The following RGS12 variants were observed in gnomAD, a reference collection of about 807,000 sequenced individuals.
RGS12 encodes regulator of G protein signaling 12, also known as regulator of G-protein signaling 12.
A neutral mutation model predicts 120.1 loss-of-function variants in RGS12; 66 were observed. That is an observed-to-expected ratio of 0.55 (90% CI 0.45 to 0.67). RGS12 has a LOEUF of 0.67. RGS12 is among the 30% of genes least tolerant of loss of function. RGS12 has a pLI of 0.00. For synonymous variants in RGS12, 827 were observed against 804.7 expected (o/e 1.03, Z -0.47); for missense variants, 1,859 against 1,957.7 (o/e 0.95, Z 0.95).
chr4:3,361,534 A>G (rs1715560780), intron 3 of RGS12, among the ~76,000 whole-genome samples: 1 of 152,202 alleles, frequency 6.6e-6, no homozygotes. Flanking sequence ...ACCTGGGCGC[A>G]TGAGCAGAAA....
intron 8 of RGS12, 58 bp from the exon 9 acceptor site, chr4:3,417,330 T>A (rs1379008677): frequency 1.7e-5 from 25 of 1,514,790 alleles, no homozygotes; most frequent in Non-Finnish European, 2.2e-5. Flanking sequence ...CCTTTGCACT[T>A]AACGTAATAG....
rs1716505882 is a variant in RGS12 at position 3,367,979 on chromosome 4, C to T, written c.1999-18437C>T. Reference sequence around the variant, plus strand: ...TTCTTCCTTTCCGTCCTCGATGGAACACAATGGGATGAAGATGTTTCTGTC... The same window carrying T: ...TTCTTCCTTTCCGTCCTCGATGGAATACAATGGGATGAAGATGTTTCTGTC... On this transcript the variant is annotated intron_variant, in intron 3 of 17. Coordinates refer to ENST00000336727, the MANE Select transcript of RGS12 (RefSeq NM_001394154.1). Among the ~76,000 whole-genome samples, 3 of 152,248 alleles carry T rather than the reference C, an allele frequency of 2.0e-5. No homozygotes were observed. In the South Asian group the frequency reaches 6.2e-4, roughly 32 times the overall value.
chr4:3,420,557 A>G, intron 9 of RGS12, 85 bp from the exon 10 acceptor site: 1 of 1,393,502 alleles, frequency 7.2e-7, no homozygotes. Flanking sequence ...CTGTCTGCTC[A>G]GCCTAAAGGG....
intron 2 of RGS12, among the ~76,000 whole-genome samples, chr4:3,341,116 C>T (rs1713043243): frequency 1.3e-5 from 2 of 150,130 alleles, no homozygotes; most frequent in Admixed American, 6.6e-5. Flanking sequence ...GGGTGCTGGA[C>T]CTCTCACCTG....
intron 1 of RGS12, among the ~76,000 whole-genome samples, chr4:3,296,016 C>T (rs7695631): frequency 0.36 from 54,823 of 151,994 alleles, 11,594 homozygotes; most frequent in African/African-American, 0.6. Context: ...ACTGTTGGCC[C>T]GCCCCAGTCA....
At chr4:3,376,413 C>T (rs922350206) in intron 3 of RGS12, among the ~76,000 whole-genome samples, 1 of 152,206 alleles carries the variant, frequency 6.6e-6, no homozygotes, top group African/African-American at 2.4e-5. Context: ...GTGAGGAGGG[C>T]ACCATGCTGA....
rs770854466 is a variant in RGS12, at chr4:3,316,511, A to G, written c.341A>G (p.Tyr114Cys). The G allele has an allele frequency of 6.8e-6, 11 of 1,614,172 alleles. No homozygotes were observed. The Admixed American group carries it at 1.7e-4, about 24-fold the overall frequency. Residue 114 changes from tyrosine (Y) to cysteine (C), a missense_variant, in exon 2 of 18, where the codon TAT becomes TGT. Physicochemically the swap from Tyr to Cys is radical, Grantham distance 194. Around this residue, in one of 3 missense-constraint regions of RGS12, gnomAD observed 967 missense variants for 994.2 expected, o/e 0.97. Coordinates refer to ENST00000336727, the MANE Select transcript of RGS12 (RefSeq NM_001394154.1). ...TCCAGTGATGAAGAAGGGGGACTCTATGAAGGAAAAGGCTGGCTGAAGCCC... is the reference window on the plus strand; with the variant it reads ...TCCAGTGATGAAGAAGGGGGACTCTGTGAAGGAAAAGGCTGGCTGAAGCCC... ...SCSSDEEGGL[Y>C]EGKGWLKPKL...
At chr4:3,333,051 C>CTTT (rs557032927) in intron 2 of RGS12, among the ~76,000 whole-genome samples, 6 of 125,010 alleles carry the variant, frequency 4.8e-5, no homozygotes, top group South Asian at 5.2e-4. Flanking sequence ...GTCTCAAACT[C>CTTT]TTTTTTTTTT....
At chr4:3,337,601 CAGA>C (rs1007081379) in intron 2 of RGS12, among the ~76,000 whole-genome samples, 2 of 151,998 alleles carry the variant, frequency 1.3e-5, no homozygotes, top group African/African-American at 4.8e-5. Context: ...CAGCCAGTCA[CAGA>C]AGGACACACA....
At chr4:3,376,247 AACAC>A (rs55666879) in intron 3 of RGS12, among the ~76,000 whole-genome samples, 3,185 of 143,512 alleles carry the variant, frequency 0.022, 48 homozygotes, top group Admixed American at 0.052. Flanking sequence ...AGCTCCTTGG[AACAC>A]ACACACACAC....
intron 1 of RGS12, among the ~76,000 whole-genome samples, chr4:3,310,141 G>GA (rs57852746): frequency 1.5e-5 from 1 of 67,618 alleles, no homozygotes. Context: ...TGGGGCCTGG[G>GA]AATGGCAGGT....
intron 1 of RGS12, chr4:3,314,431 C>G (rs1305026595): frequency 2.6e-5 from 4 of 152,166 alleles, no homozygotes; most frequent in African/African-American, 9.7e-5. Context: ...GAGACAGAGT[C>G]TCGCTTTGTC....
At position 3,439,585 on chromosome 4, in the gene RGS12, C is replaced by G. The variant is rs777827284; in HGVS notation, c.4245C>G (p.Ala1415=). The G allele has an allele frequency of 1.9e-6, 3 of 1,610,724 alleles. No individual in the cohort carries two copies. The African/African-American group carries it at 4.0e-5, about 21-fold the overall frequency. Residue 1415 remains alanine, a synonymous_variant, in exon 18 of 18, where the codon GCC becomes GCG. Coordinates refer to ENST00000336727, the MANE Select transcript of RGS12 (RefSeq NM_001394154.1). The part of the protein sequence containing the change: ...GAQAGPGRSQ[A]SGGPPTSDLP... Reference sequence around the variant, plus strand: ...AGGCTGGCCCTGGGAGGTCGCAGGCCAGTGGTGGGCCTCCTACATCAGACC... The same window carrying G: ...AGGCTGGCCCTGGGAGGTCGCAGGCGAGTGGTGGGCCTCCTACATCAGACC...
In RGS12 at chr4:3,428,302, C is replaced by T. The variant is rs749765578; in HGVS notation, c.3411+133C>T. On this transcript the variant is annotated intron_variant, in intron 15 of 17. Transcript: ENST00000336727. ...TCTCCCCCACGCTCCTTGGCGGGGT[C>T]TCTCTCGTCCCTGCCGATGCCCAGC... 27 of 914,220 alleles carry T rather than the reference C, an allele frequency of 3.0e-5. 2 individuals carry two copies. Among genetic ancestry groups the T allele is most frequent in the Middle Eastern group, 4.2e-4 (2 of 4,754 alleles). 56.6% of individuals were successfully genotyped at this position (914,220 alleles called of 1,614,324 possible). A position where few individuals can be genotyped will look rare whatever the true frequency, so the allele number is the denominator to read the frequency against.
At chr4:3,343,134 T>C (rs934302660) in intron 3 of RGS12, 81 bp downstream of exon 3, 20 of 999,090 alleles carry the variant, frequency 2.0e-5, no homozygotes, top group Non-Finnish European at 2.9e-5. Context: ...GTCTGGCTGT[T>C]TTTTGAGTCC....
At chr4:3,430,353 G>A (rs1724133452) in intron 16 of RGS12, 54 bp from the exon 17 acceptor site, 2 of 1,485,650 alleles carry the variant, frequency 1.3e-6, no homozygotes. Flanking sequence ...TGCGGTGACA[G>A]TCATTAATGT....
intron 13 of RGS12, 128 bp downstream of exon 13, chr4:3,423,769 T>G: frequency 8.0e-7 from 1 of 1,245,410 alleles, no homozygotes; most frequent in Non-Finnish European, 1.1e-6. Context: ...GTTGTCCCCC[T>G]TGGAGGAGAG....
At chr4:3,318,467 G>C (rs973302673) in intron 2 of RGS12, among the ~76,000 whole-genome samples, 3 of 152,182 alleles carry the variant, frequency 2.0e-5, no homozygotes, top group African/African-American at 7.2e-5. Flanking sequence ...CACCCCTCTT[G>C]AGGCGAGAAT....
chr4:3,399,986 A>G (rs1174299928), intron 4 of RGS12, among the ~76,000 whole-genome samples: 1 of 152,242 alleles, frequency 6.6e-6, no homozygotes, highest in Non-Finnish European at 1.5e-5. Context: ...TCTCAGCCAT[A>G]CTGTTTCACA....
Sources: gnomAD v4.1 joint callset for allele counts (sites outside exome capture counted in the v4.1 genomes callset) on GRCh38, gnomAD v4.1.1 for gene constraint, gnomAD v4.1.1 regional missense constraint, MANE v1.5 for transcripts, NCBI Gene and HGNC (gene_info 2026-07-23, HGNC 2026-07-21) for gene names.